The following SASH3 variants were observed in gnomAD, a reference collection of about 807,000 sequenced individuals.
SASH3 encodes SAM and SH3 domain containing 3.
A neutral mutation model predicts 26.1 loss-of-function variants in SASH3; 7 were observed. That is an observed-to-expected ratio of 0.27 (90% CI 0.15 to 0.50). The LOEUF is 0.50. Ranked by LOEUF, SASH3 falls within the 20% of genes least tolerant of loss-of-function variation. The pLI is 0.98. For missense variants in SASH3, 231 were observed against 318.3 expected, an observed-to-expected ratio of 0.73 and a Z score of 2.09; for synonymous variants, 138 against 136.8, an observed-to-expected ratio of 1.01 and a Z score of -0.06.
chrX:129,794,100 C>G lies in SASH3; in HGVS notation c.*268C>G, dbSNP rs1014512829. On this transcript the variant is annotated 3_prime_UTR_variant, in exon 8 of 8. Transcript: ENST00000356892. ...ACAGCGCAGCCCCTCCTGGCACCAA[C>G]TGCTCCCCTGCCATGGCCACGGCCA... is the stretch of plus-strand genomic sequence containing the variant. 2 of 362,170 alleles carry G rather than the reference C, an allele frequency of 5.5e-6. No individual in the cohort carries two copies. The highest frequency in any genetic ancestry group is 4.1e-5 in the East Asian group (1 of 24,200). 29.8% of individuals were successfully genotyped at this position (362,170 alleles called of 1,213,427 possible).
intron 1 of SASH3, among the ~76,000 whole-genome samples, chrX:129,785,350 G>A (rs1927089024): frequency 9.0e-6 from 1 of 111,645 alleles, no homozygotes; most frequent in South Asian, 3.7e-4. Context: ...GGCTGTCCCT[G>A]AGGTTGGAGG....
At chrX:129,782,563 G>T (rs1220418001) in intron 1 of SASH3, among the ~76,000 whole-genome samples, 1 of 112,327 alleles carries the variant, frequency 8.9e-6, no homozygotes, top group African/African-American at 3.2e-5. Flanking sequence ...CTTGCTGAAG[G>T]TCACACAGCT....
In SASH3 at chrX:129,794,114, T is replaced by C. The variant is rs1281712773; in HGVS notation, c.*282T>C. ...CCTGGCACCAACTGCTCCCCTGCCA[T>C]GGCCACGGCCACAGCAAGTGGGGCA... On this transcript the variant is annotated 3_prime_UTR_variant, in exon 8 of 8. Coordinates refer to ENST00000356892, the MANE Select transcript of SASH3 (RefSeq NM_018990.4). The C allele has an allele frequency of 8.6e-6, 3 of 350,123 alleles. No individual in the cohort carries two copies. Among genetic ancestry groups the C allele is most frequent in the Non-Finnish European group, 1.5e-5 (3 of 198,816 alleles). 28.9% of individuals were successfully genotyped at this position (350,123 alleles called of 1,213,427 possible).
chrX:129,790,413 T>C (rs1161606565), intron 3 of SASH3, among the ~76,000 whole-genome samples: 1 of 109,640 alleles, frequency 9.1e-6, no homozygotes, highest in Admixed American at 9.6e-5. Flanking sequence ...TGGGTTGCCT[T>C]GGGACTTGAA....
Position 129,792,747 on chromosome X carries a change from G to C in SASH3, c.712G>C (p.Gly238Arg). The C allele has an allele frequency of 9.9e-6, 12 of 1,209,972 alleles. No individual in the cohort carries two copies. The highest frequency in any genetic ancestry group is 1.3e-5 in the Non-Finnish European group (12 of 895,280). Reference protein sequence around the residue: ...YVDVLPEEAVGHARPSRRQSK... With the variant: ...YVDVLPEEAVRHARPSRRQSK... Reference sequence around the variant, plus strand: ...GGATGTGCTGCCCGAGGAGGCCGTGGGGCATGCCCGCCCCAGCCGCCGACA... The same window carrying C: ...GGATGTGCTGCCCGAGGAGGCCGTGCGGCATGCCCGCCCCAGCCGCCGACA... The change falls in exon 6 of 8, where the codon GGG becomes CGG. Residue 238 changes from glycine (G) to arginine (R), a missense_variant. Transcript: ENST00000356892.
At position 129,789,274 on chromosome X, in the gene SASH3, C is replaced by T. The variant is rs186687151; in HGVS notation, c.300+697C>T. 8.6e-3 allele frequency among the ~76,000 whole-genome samples: 912 copies of T among 105,997 alleles called. 30 individuals carry two copies. Among genetic ancestry groups the T allele is most frequent in the Admixed American group, 0.079 (805 of 10,166 alleles). 92.0% of individuals were successfully genotyped at this position (105,997 alleles called of 115,157 possible). A position where few individuals can be genotyped will look rare whatever the true frequency, so the allele number is the denominator to read the frequency against. On this transcript the variant is annotated intron_variant, in intron 3 of 7. Coordinates refer to ENST00000356892, the MANE Select transcript of SASH3 (RefSeq NM_018990.4). ...AAATGGCCTGAGGCAATCCATCCAC[C>T]TCAAAGCTTTGCTTTGGAACTTCCC...
At chrX:129,790,838 T>C in intron 3 of SASH3, 102 bp from the exon 4 acceptor site, 1 of 961,206 alleles carries the variant, frequency 1.0e-6, no homozygotes, top group Non-Finnish European at 1.4e-6. Flanking sequence ...GAGTTGGGGT[T>C]TGAGCCAGCC....
chrX:129,793,705 C>T lies in SASH3; in HGVS notation c.1016C>T (p.Ser339Leu), dbSNP rs149530194. 17 of 1,210,960 alleles carry T rather than the reference C, an allele frequency of 1.4e-5. No homozygotes were observed. Among genetic ancestry groups the T allele is most frequent in the Admixed American group, 2.2e-5 (1 of 45,989 alleles). The change falls in exon 8 of 8, where the codon TCG becomes TTG. Residue 339 changes from serine (S) to leucine (L), a missense_variant. By Grantham distance (145) the Ser-to-Leu change is moderately radical. Transcript: ENST00000356892. ...CAGGAGCCAGTGGCACACACAGTGT[C>T]GGAACCCAAGGTGGACATCCCGCGC... is the stretch of plus-strand genomic sequence containing the variant. The part of the protein sequence containing the change: ...SSQEPVAHTV[S>L]EPKVDIPRDS...
At position 129,792,319 on chromosome X, in the gene SASH3, C is replaced by G; in HGVS notation, c.443-9C>G. Reference sequence around the variant, plus strand: ...AAGGTGAGCCTCCTCCCTGCCCCATCTCCTGCAGGCAGTGAGCTCTGCAGC... The same window carrying G: ...AAGGTGAGCCTCCTCCCTGCCCCATGTCCTGCAGGCAGTGAGCTCTGCAGC... On this transcript the variant is annotated splice_polypyrimidine_tract_variant and intron_variant, in intron 4 of 7. Transcript: ENST00000356892. 1 of 1,199,608 alleles carries G rather than the reference C, an allele frequency of 8.3e-7. No individual in the cohort carries two copies. The highest frequency in any genetic ancestry group is 1.1e-6 in the Non-Finnish European group (1 of 888,889).
intron 3 of SASH3, among the ~76,000 whole-genome samples, chrX:129,789,938 T>C: frequency 8.9e-6 from 1 of 112,232 alleles, no homozygotes; most frequent in East Asian, 2.8e-4. Context: ...GTTAATTATA[T>C]TTTTTTAAAA....
chrX:129,782,387 A>C (rs1927033775), intron 1 of SASH3, among the ~76,000 whole-genome samples: 1 of 112,273 alleles, frequency 8.9e-6, no homozygotes, highest in African/African-American at 3.2e-5. Context: ...CAGAGAACAC[A>C]AGACTTAATA....
chrX:129,782,324 T>G (rs1273549400), intron 1 of SASH3, among the ~76,000 whole-genome samples: 1 of 111,539 alleles, frequency 9.0e-6, no homozygotes, highest in Non-Finnish European at 1.9e-5. Flanking sequence ...TAGGCATGGG[T>G]GGGGATAGGG....
intron 1 of SASH3, among the ~76,000 whole-genome samples, chrX:129,784,218 C>G (rs937729819): frequency 9.0e-5 from 10 of 111,454 alleles, no homozygotes; most frequent in African/African-American, 3.3e-4. Flanking sequence ...AGCCCCTTTA[C>G]TCAACCATAT....
At chrX:129,793,587 C>T in intron 7 of SASH3, 55 bp from the exon 8 acceptor site, 1 of 1,151,795 alleles carries the variant, frequency 8.7e-7, no homozygotes, top group South Asian at 1.9e-5. Context: ...TGGTGTATTT[C>T]CCAAGGTCCC....
chrX:129,779,968 A>T lies in SASH3; in HGVS notation c.-130A>T. 1 of 584,373 alleles carries T rather than the reference A, an allele frequency of 1.7e-6. No individual in the cohort carries two copies. The highest frequency in any genetic ancestry group is 2.8e-6 in the Non-Finnish European group (1 of 362,334). The allele number at this position is 584,373 out of a possible 1,213,427, so 48.2% of individuals were successfully genotyped here. On this transcript the variant is annotated 5_prime_UTR_variant, in exon 1 of 8. Transcript: ENST00000356892. ...GCCCGCACCCCCAAGCTGCCACTGCAGCAGTCAGAGTGGCAGCTGAAGGCT... is the reference window on the plus strand; with the variant it reads ...GCCCGCACCCCCAAGCTGCCACTGCTGCAGTCAGAGTGGCAGCTGAAGGCT...
intron 1 of SASH3, 66 bp downstream of exon 1, chrX:129,780,220 C>T (rs1317075030): frequency 9.6e-7 from 1 of 1,038,259 alleles, no homozygotes; most frequent in Non-Finnish European, 1.3e-6. Flanking sequence ...CCTTCCAAGA[C>T]TCTTGGAAGT....
chrX:129,794,962 G>A lies in SASH3; in HGVS notation c.*1130G>A, dbSNP rs980218848. ...GAAAGGAGAGTATCTGTGAGTGGGG[G>A]CCTCCCTTGACCCCAGTACGAAGTC... On this transcript the variant is annotated 3_prime_UTR_variant, in exon 8 of 8. Transcript: ENST00000356892. The A allele has an allele frequency of 2.0e-4, 22 of 111,465 alleles. No homozygotes were observed. Among genetic ancestry groups the A allele is most frequent in the African/African-American group, 7.2e-4 (22 of 30,605 alleles). 9.2% of individuals were successfully genotyped at this position (111,465 alleles called of 1,213,427 possible).
chrX:129,786,320 T>C (rs1922102064), intron 1 of SASH3, among the ~76,000 whole-genome samples: 1 of 111,924 alleles, frequency 8.9e-6, no homozygotes. Context: ...TCAAGAGTAC[T>C]AAACTGCTAC....
At position 129,788,550 on chromosome X, in the gene SASH3, G is replaced by C; in HGVS notation, c.273G>C (p.Met91Ile). The change falls in exon 3 of 8, where the codon ATG becomes ATC. Residue 91 changes from methionine to isoleucine, a missense_variant. By Grantham distance (10) the Met-to-Ile change is conservative. Coordinates refer to ENST00000356892, the MANE Select transcript of SASH3 (RefSeq NM_018990.4). Reference protein sequence around the residue: ...SRTMNRKMGKMMVKALSEEMA... With the variant: ...SRTMNRKMGKIMVKALSEEMA... Reference sequence around the variant, plus strand: ...CCATGAACAGGAAGATGGGCAAGATGATGGTGAAGGCCCTGTCAGAAGAGA... The same window carrying C: ...CCATGAACAGGAAGATGGGCAAGATCATGGTGAAGGCCCTGTCAGAAGAGA... 8.3e-7 allele frequency: 1 copy of C among 1,212,060 alleles called. No individual in the cohort carries two copies. Among genetic ancestry groups the C allele is most frequent in the Non-Finnish European group, 1.1e-6 (1 of 895,508 alleles).
Sources: gnomAD v4.1 joint callset for allele counts (sites outside exome capture counted in the v4.1 genomes callset) on GRCh38, gnomAD v4.1.1 for gene constraint, MANE v1.5 for transcripts, NCBI Gene and HGNC (gene_info 2026-07-23, HGNC 2026-07-21) for gene names.